The following SIAH2 variants were observed in gnomAD, a reference collection of about 807,000 sequenced individuals.
SIAH2 encodes siah E3 ubiquitin protein ligase 2, also known as E3 ubiquitin-protein ligase SIAH2.
In SIAH2, 4 loss-of-function variants were observed where a neutral mutation model predicts 20.4. The ratio of observed to expected loss-of-function variants is 0.20; its 90% CI spans 0.10 to 0.45. SIAH2 has a LOEUF of 0.45. Among genes scored for constraint, SIAH2 ranks in the 20% least tolerant of loss-of-function variants. The pLI is 0.99. For synonymous variants in SIAH2, 171 were observed against 192.5 expected, an observed-to-expected ratio of 0.89 and a Z score of 0.93; for missense variants, 259 against 440.3, an observed-to-expected ratio of 0.59 and a Z score of 3.69.
Position 150,741,582 on chromosome 3 carries a change from A to G in SIAH2, c.*559T>C, listed in dbSNP as rs1404829920. The G allele has an allele frequency of 6.6e-6, 1 of 152,422 alleles. No homozygotes were observed. Among genetic ancestry groups the G allele is most frequent in the African/African-American group, 2.4e-5 (1 of 41,454 alleles). The allele number at this position is 152,422 out of a possible 1,614,324, so 9.4% of individuals were successfully genotyped here. A position where few individuals can be genotyped will look rare whatever the true frequency, so the allele number is the denominator to read the frequency against. On this transcript the variant is annotated 3_prime_UTR_variant, in exon 2 of 2. Coordinates refer to ENST00000312960, the MANE Select transcript of SIAH2 (RefSeq NM_005067.7). ...TTTAACCCAGTAATTCTCAAACATT[A>G]CTGTTGAAAAGAATCACCTGATGAG...
At chr3:150,755,377 C>G (rs545850020) in intron 1 of SIAH2, among the ~76,000 whole-genome samples, 43 of 117,556 alleles carry the variant, frequency 3.7e-4, no homozygotes, top group East Asian at 1.4e-3. Context: ...GTCACCCAGG[C>G]TGGAGGGTAT....
intron 1 of SIAH2, among the ~76,000 whole-genome samples, chr3:150,758,315 G>A (rs1714528889): frequency 6.6e-6 from 1 of 152,040 alleles, no homozygotes; most frequent in Admixed American, 6.6e-5. Context: ...TAAGAAGGCT[G>A]GAGTGGATTA....
chr3:150,749,185 G>GT (rs1714294630), intron 1 of SIAH2, among the ~76,000 whole-genome samples: 1 of 152,142 alleles, frequency 6.6e-6, no homozygotes, highest in Admixed American at 6.6e-5. Context: ...CAACTGCTGT[G>GT]TAAGTATGAA....
At chr3:150,761,046 G>A (rs1356254880) in intron 1 of SIAH2, among the ~76,000 whole-genome samples, 4 of 152,158 alleles carry the variant, frequency 2.6e-5, no homozygotes, top group African/African-American at 9.7e-5. Context: ...TTGCAGCAGG[G>A]CAGCAGACCA....
intron 1 of SIAH2, among the ~76,000 whole-genome samples, chr3:150,752,246 C>T (rs1487804352): frequency 6.6e-6 from 1 of 152,208 alleles, no homozygotes; most frequent in Non-Finnish European, 1.5e-5. Context: ...GCTCTATTCC[C>T]CTCAGCAGTC....
rs146814792 is a variant in SIAH2, at chr3:150,749,549, G to A, written c.418-6851C>T. On this transcript the variant is annotated intron_variant, in intron 1 of 1. Coordinates refer to ENST00000312960, the MANE Select transcript of SIAH2 (RefSeq NM_005067.7). ...AAACATACTAAAGAATCCAGGGACCGAGTTAGCATATTTATCCTTTATGGG... is the reference window on the plus strand; with the variant it reads ...AAACATACTAAAGAATCCAGGGACCAAGTTAGCATATTTATCCTTTATGGG... Among the ~76,000 whole-genome samples the A allele has an allele frequency of 1.4e-4, 22 of 152,268 alleles. No homozygotes were observed. In the East Asian group the frequency reaches 3.5e-3, roughly 24 times the overall value.
chr3:150,744,434 TA>T (rs916226180), intron 1 of SIAH2, among the ~76,000 whole-genome samples: 2 of 152,206 alleles, frequency 1.3e-5, no homozygotes, highest in Non-Finnish European at 2.9e-5. Flanking sequence ...AGCCTGGCTG[TA>T]AAAAAACTCA....
At chr3:150,747,161 C>CAA (rs1462277680) in intron 1 of SIAH2, among the ~76,000 whole-genome samples, 4 of 152,236 alleles carry the variant, frequency 2.6e-5, no homozygotes, top group Non-Finnish European at 1.5e-5. Flanking sequence ...ACATAAAACT[C>CAA]AGAGTCCACA....
rs1714636253 is a variant in SIAH2, at chr3:150,762,323, T to C, written c.417+110A>G. Reference sequence around the variant, plus strand: ...CGAAGTGTAAACATTTTTTCTTTTTTTTTTTTAAATGAGAGATGCCGCCCG... The same window carrying C: ...CGAAGTGTAAACATTTTTTCTTTTTCTTTTTTAAATGAGAGATGCCGCCCG... On this transcript the variant is annotated intron_variant, in intron 1 of 1. Transcript: ENST00000312960. This position sits in a 1 kb window ranked among gnomAD's most constrained non-coding sequence, Gnocchi z 6.6. 2 of 1,484,316 alleles carry C rather than the reference T, an allele frequency of 1.3e-6. No individual in the cohort carries two copies. The highest frequency in any genetic ancestry group is 1.4e-5 in the African/African-American group (1 of 70,068). The allele number at this position is 1,484,316 out of a possible 1,614,324, so 91.9% of individuals were successfully genotyped here. A position where few individuals can be genotyped will look rare whatever the true frequency, so the allele number is the denominator to read the frequency against.
At chr3:150,747,791 A>C (rs1163874389) in intron 1 of SIAH2, among the ~76,000 whole-genome samples, 2 of 151,572 alleles carry the variant, frequency 1.3e-5, no homozygotes, top group Non-Finnish European at 1.5e-5. Flanking sequence ...AAATACAAAA[A>C]ACAAAAACAA....
intron 1 of SIAH2, among the ~76,000 whole-genome samples, chr3:150,746,668 G>A (rs895380513): frequency 5.9e-5 from 9 of 152,206 alleles, no homozygotes; most frequent in African/African-American, 1.4e-4. Flanking sequence ...CAAATGTCAC[G>A]TAGGGGGCAA....
intron 1 of SIAH2, among the ~76,000 whole-genome samples, chr3:150,744,216 T>C (rs1046619485): frequency 6.6e-6 from 1 of 152,156 alleles, no homozygotes; most frequent in African/African-American, 2.4e-5. Context: ...GAAGCAAGGA[T>C]GACAGCCTCC....
chr3:150,760,913 G>C (rs1714596672), intron 1 of SIAH2, among the ~76,000 whole-genome samples: 1 of 152,198 alleles, frequency 6.6e-6, no homozygotes, highest in Non-Finnish European at 1.5e-5. Context: ...GAGAAACTGG[G>C]CTGAGTGAAT....
intron 1 of SIAH2, among the ~76,000 whole-genome samples, chr3:150,751,247 C>T (rs923961447): frequency 6.6e-6 from 1 of 152,066 alleles, no homozygotes; most frequent in Non-Finnish European, 1.5e-5. Flanking sequence ...GCCTGGGCAA[C>T]ATGGTGAAAC....
chr3:150,754,548 T>C (rs139635234), intron 1 of SIAH2, among the ~76,000 whole-genome samples: 1 of 152,244 alleles, frequency 6.6e-6, no homozygotes, highest in East Asian at 1.9e-4. Context: ...ACCCAAACCA[T>C]ATCACCATCT....
intron 1 of SIAH2, among the ~76,000 whole-genome samples, chr3:150,744,177 C>T (rs1054903125): frequency 1.3e-5 from 2 of 152,098 alleles, no homozygotes; most frequent in African/African-American, 4.8e-5. Context: ...CCATACAAGA[C>T]GCTAAGTTAC....
chr3:150,750,878 G>T (rs941908117), intron 1 of SIAH2, among the ~76,000 whole-genome samples: 2 of 152,154 alleles, frequency 1.3e-5, no homozygotes, highest in Non-Finnish European at 2.9e-5. Context: ...TGTGTGACCT[G>T]GAGCCTACCA....
At chr3:150,760,493 G>T (rs576338110) in intron 1 of SIAH2, among the ~76,000 whole-genome samples, 8 of 152,190 alleles carry the variant, frequency 5.3e-5, no homozygotes, top group Non-Finnish European at 7.3e-5. Context: ...TTTCACGTTA[G>T]GAAAGAACGT....
intron 1 of SIAH2, among the ~76,000 whole-genome samples, chr3:150,759,743 GCAGATAGAGGGCATCCAATAACATTC>G (rs1165200507): frequency 6.6e-6 from 1 of 151,784 alleles, no homozygotes; most frequent in Non-Finnish European, 1.5e-5. Context: ...AAAGTAACTG[GCAGATAGAGGGCATCCAATAACATTC>G]CAGATAGCCT....
Sources: allele counts gnomAD v4.1 joint callset (sites outside exome capture counted in the v4.1 genomes callset), GRCh38; gene constraint gnomAD v4.1.1; non-coding constraint Gnocchi (gnomAD v3.1); transcripts MANE v1.5; gene names NCBI Gene and HGNC (gene_info 2026-07-23, HGNC 2026-07-21).